The following CMYA5 variants were observed in gnomAD, a reference collection of about 807,000 sequenced individuals.
The protein encoded by CMYA5 is cardiomyopathy associated 5, also known as cardiomyopathy-associated protein 5.
A neutral mutation model predicts 318.9 loss-of-function variants in CMYA5; 246 were observed. The observed-to-expected ratio is 0.77, with a 90% confidence interval of 0.70 to 0.86. CMYA5 has a LOEUF of 0.86. CMYA5 is among the 40% of genes least tolerant of loss of function. CMYA5 has a pLI of 0.00. For synonymous variants in CMYA5, 1,641 were observed against 1,729.5 expected (o/e 0.95, Z 1.27); for missense variants, 4,589 against 4,678.2 (o/e 0.98, Z 0.56).
chr5:79,757,798 A>G (rs1453118648), intron 6 of CMYA5, among the ~76,000 whole-genome samples: 1 of 152,232 alleles, frequency 6.6e-6, no homozygotes, highest in Admixed American at 6.5e-5. Flanking sequence ...TGCTCCAACT[A>G]TAGGACTGTA....
Position 79,714,096 on chromosome 5 carries a change from T to C in CMYA5, c.150-14819T>C, listed in dbSNP as rs1209628614. ...GGAGTAGCATTTGGAAGCATCTGCA[T>C]AATACTAACATATGTATCACTGGGT... On this transcript the variant is annotated intron_variant, in intron 1 of 12. Transcript: ENST00000446378. Among the ~76,000 whole-genome samples, 3 of 152,214 alleles carry C rather than the reference T, an allele frequency of 2.0e-5. No individual in the cohort carries two copies. In the East Asian group the frequency reaches 5.8e-4, roughly 29 times the overall value.
At chr5:79,724,025 A>T (rs900085536) in intron 1 of CMYA5, among the ~76,000 whole-genome samples, 2 of 152,044 alleles carry the variant, frequency 1.3e-5, no homozygotes, top group African/African-American at 2.4e-5. Context: ...TTCATAAAAA[A>T]TTTTTTAATC....
rs540420863 is a variant in CMYA5 at position 79,727,038 on chromosome 5, C to T, written c.150-1877C>T. 3.4e-4 allele frequency among the ~76,000 whole-genome samples: 52 copies of T among 151,364 alleles called. 1 individual carries two copies. Among genetic ancestry groups the T allele is most frequent in the African/African-American group, 1.2e-3 (50 of 41,100 alleles). On this transcript the variant is annotated intron_variant, in intron 1 of 12. Transcript: ENST00000446378. ...TCAAGAGATTCTCCTGCCTCAGCCT[C>T]CTGAGTAGCTGGGATTACAGGCACC...
rs542591132 is a variant in CMYA5 at position 79,731,105 on chromosome 5, A to C, written c.2340A>C (p.Pro780=). Residue 780 remains proline, a synonymous_variant, in exon 2 of 13, where the codon CCA becomes CCC. Transcript: ENST00000446378. ...PSTATSEHVV[P]SEGEDLGSER... ...CTGCCACATCAGAACACGTGGTCCCATCAGAAGGAGAGGACCTAGGAAGTG... is the reference window on the plus strand; with the variant it reads ...CTGCCACATCAGAACACGTGGTCCCCTCAGAAGGAGAGGACCTAGGAAGTG... 1.2e-6 allele frequency: 2 copies of C among 1,614,066 alleles called. No individual in the cohort carries two copies. Among genetic ancestry groups the C allele is most frequent in the Non-Finnish European group, 1.7e-6 (2 of 1,179,908 alleles).
intron 8 of CMYA5, 87 bp from the exon 9 acceptor site, chr5:79,762,975 C>T (rs1390743430): frequency 4.2e-6 from 6 of 1,426,440 alleles, no homozygotes; most frequent in Non-Finnish European, 4.8e-6. Context: ...CAGAATCATG[C>T]CGAAGCCGTG....
At chr5:79,720,525 C>G (rs971017502) in intron 1 of CMYA5, among the ~76,000 whole-genome samples, 2 of 151,294 alleles carry the variant, frequency 1.3e-5, no homozygotes, top group African/African-American at 2.4e-5. Context: ...CAACCTCCCC[C>G]TCCCAGGTTC....
intron 4 of CMYA5, among the ~76,000 whole-genome samples, chr5:79,746,288 C>T (rs1008860794): frequency 6.6e-6 from 1 of 152,162 alleles, no homozygotes; most frequent in Non-Finnish European, 1.5e-5. Flanking sequence ...CAAGGCAAAA[C>T]GGAACAATGT....
intron 11 of CMYA5, among the ~76,000 whole-genome samples, chr5:79,793,231 G>A (rs572094675): frequency 6.6e-6 from 1 of 152,296 alleles, no homozygotes; most frequent in South Asian, 2.1e-4. Context: ...CTGGCAATAT[G>A]TCAAATGCCT....
At chr5:79,722,676 C>CAAA (rs1264491231) in intron 1 of CMYA5, among the ~76,000 whole-genome samples, 61 of 73,188 alleles carry the variant, frequency 8.3e-4, no homozygotes, top group Admixed American at 1.5e-3. Flanking sequence ...GACTCTGTCT[C>CAAA]AAAAAAAAAA....
rs755046508 is a variant in CMYA5, at chr5:79,791,051, A to G, written c.11771A>G (p.Glu3924Gly). The change falls in exon 11 of 13, where the codon GAG becomes GGG. Residue 3924 changes from glutamate to glycine, a missense_variant. Physicochemically the swap from Glu to Gly is moderately conservative, Grantham distance 98. Transcript: ENST00000446378. The part of the protein sequence containing the change: ...SSSGTVISFG[E>G]RRRLTEIPSV... ...AGTGGGACAGTGATCAGCTTTGGTG[A>G]GAGGAGACGGCTGACGGAGTAAGTA... 3.7e-6 allele frequency: 6 copies of G among 1,613,328 alleles called. No individual in the cohort carries two copies. The Admixed American group carries it at 1.0e-4, about 27-fold the overall frequency.
intron 6 of CMYA5, among the ~76,000 whole-genome samples, chr5:79,756,058 G>A (rs201507374): frequency 0.089 from 13,322 of 149,050 alleles, no homozygotes; most frequent in Middle Eastern, 0.13. Context: ...AAAGATGATC[G>A]ACAATCCTTG....
Position 79,689,900 on chromosome 5 carries a change from G to C in CMYA5, c.-8G>C, listed in dbSNP as rs1355456426. On this transcript the variant is annotated 5_prime_UTR_variant, in exon 1 of 13. Transcript: ENST00000446378. ...GGCTCCGGCCCCGGCCCAGGCCCGG[G>C]AGAGGCGATGGCGAGCCGCGATAGC... 1 of 772,258 alleles carries C rather than the reference G, an allele frequency of 1.3e-6. No homozygotes were observed. The highest frequency in any genetic ancestry group is 1.5e-5 in the South Asian group (1 of 68,116). 47.8% of individuals were successfully genotyped at this position (772,258 alleles called of 1,614,324 possible).
Position 79,736,737 on chromosome 5 carries a change from G to A in CMYA5, c.7972G>A (p.Val2658Ile). The A allele has an allele frequency of 6.2e-7, 1 of 1,613,282 alleles. No homozygotes were observed. The highest frequency in any genetic ancestry group is 1.3e-5 in the African/African-American group (1 of 74,842). ...NHSLSQEGNL[V>I]LEKSSRDMPD... ...CTCTTTATCTCAGGAAGGAAATCTA[G>A]TATTAGAAAAGTCAAGCAGAGATAT... Residue 2658 changes from valine to isoleucine, a missense_variant, in exon 2 of 13, where the codon GTA (valine) becomes ATA (isoleucine). Val to Ile is a conservative substitution (Grantham distance 29, BLOSUM62 3). Around this residue, in one of 3 missense-constraint regions of CMYA5, gnomAD observed 2,431 missense variants for 2,495.1 expected, o/e 0.97. Coordinates refer to ENST00000446378, the MANE Select transcript of CMYA5 (RefSeq NM_153610.5).
chr5:79,760,151 T>C (rs537100377), intron 7 of CMYA5, among the ~76,000 whole-genome samples: 1 of 148,714 alleles, frequency 6.7e-6, no homozygotes, highest in African/African-American at 2.5e-5. Flanking sequence ...CATGGCTCTC[T>C]GAGACCCTTC....
At chr5:79,699,037 A>C (rs6453474) in intron 1 of CMYA5, among the ~76,000 whole-genome samples, 48,078 of 151,844 alleles carry the variant, frequency 0.32, 9,159 homozygotes, top group African/African-American at 0.53. Context: ...GTGCACCTGT[A>C]ATCCCAGCTA....
chr5:79,695,839 T>C (rs1459901537), intron 1 of CMYA5, among the ~76,000 whole-genome samples: 1 of 152,218 alleles, frequency 6.6e-6, no homozygotes, highest in Admixed American at 6.5e-5. Flanking sequence ...GACACTGCAG[T>C]TGGGCAGAAA....
At chr5:79,717,193 T>C (rs1827535793) in intron 1 of CMYA5, among the ~76,000 whole-genome samples, 1 of 152,242 alleles carries the variant, frequency 6.6e-6, no homozygotes, top group South Asian at 2.1e-4. Flanking sequence ...TTGTTATTGC[T>C]GTAACATGAT....
intron 1 of CMYA5, among the ~76,000 whole-genome samples, chr5:79,698,174 A>G (rs80001242): frequency 6.6e-6 from 1 of 152,186 alleles, no homozygotes; most frequent in Non-Finnish European, 1.5e-5. Flanking sequence ...CCAAGAGGAC[A>G]TGAGAAGAGA....
Position 79,737,498 on chromosome 5 carries a change from A to G in CMYA5, c.8733A>G (p.Lys2911=). The G allele has an allele frequency of 6.2e-7, 1 of 1,613,564 alleles. No homozygotes were observed. Among genetic ancestry groups the G allele is most frequent in the Non-Finnish European group, 8.5e-7 (1 of 1,179,770 alleles). Residue 2911 remains lysine, a synonymous_variant, in exon 2 of 13, where the codon AAA becomes AAG. Transcript: ENST00000446378. The stretch of plus-strand genomic sequence containing the variant: ...ATGCTGATAAAATGGTTTCTAATAA[A>G]GAAATGCCCAAGGAACCTGAAGACA... ...ASNADKMVSN[K]EMPKEPEDTY...
Sources: allele counts gnomAD v4.1 joint callset (sites outside exome capture counted in the v4.1 genomes callset), GRCh38; gene constraint gnomAD v4.1.1; regional missense constraint gnomAD v4.1.1; transcripts MANE v1.5; gene names NCBI Gene and HGNC (gene_info 2026-07-23, HGNC 2026-07-21).